Variants in APBB2 observed in about 807,000 individuals in gnomAD.
The protein encoded by APBB2 is Fe65-like 1.
A neutral mutation model predicts 82.5 loss-of-function variants in APBB2; 38 were observed. That is an observed-to-expected ratio of 0.46 (90% CI 0.36 to 0.60). APBB2 has a LOEUF of 0.60. APBB2 is among the 20% of genes least tolerant of loss of function. The pLI is 0.00. For missense variants in APBB2, 772 were observed against 972.3 expected (o/e 0.79, Z 2.74); for synonymous variants, 341 against 368.2 (o/e 0.93, Z 0.85).
At chr4:40,900,454 G>GT (rs71648936) in intron 10 of APBB2, among the ~76,000 whole-genome samples, 87,911 of 132,694 alleles carry the variant, frequency 0.66, 29,269 homozygotes, top group Non-Finnish European at 0.7. Context: ...ACGGAAGGAG[G>GT]TTTTTTTTTT....
chr4:40,887,446 C>T (rs1471788922), intron 12 of APBB2, among the ~76,000 whole-genome samples: 1 of 152,112 alleles, frequency 6.6e-6, no homozygotes, highest in East Asian at 1.9e-4. Flanking sequence ...GTGAAATGGG[C>T]TTCTTTTTCG....
At chr4:41,101,782 AC>A (rs1175932901) in intron 2 of APBB2, among the ~76,000 whole-genome samples, 1 of 151,944 alleles carries the variant, frequency 6.6e-6, no homozygotes, top group East Asian at 1.9e-4. Flanking sequence ...ACATAGTGAA[AC>A]CCCATCTCTA....
In APBB2 at chr4:40,835,404, C is replaced by T. The variant is rs530837574; in HGVS notation, c.1530-4827G>A. Among the ~76,000 whole-genome samples, 7 of 152,230 alleles carry T rather than the reference C, an allele frequency of 4.6e-5. No homozygotes were observed. The South Asian group carries it at 1.0e-3, about 23-fold the overall frequency. ...TTGCAAGCCCGTCTAATGTTACAGACGGGCAATGAGGTTTGAGCTGCTTCT... is the reference window on the plus strand; with the variant it reads ...TTGCAAGCCCGTCTAATGTTACAGATGGGCAATGAGGTTTGAGCTGCTTCT... On this transcript the variant is annotated intron_variant, in intron 12 of 17. Coordinates refer to ENST00000508593, the MANE Select transcript of APBB2 (RefSeq NM_004307.2).
chr4:40,982,452 A>T (rs954068432), intron 6 of APBB2, among the ~76,000 whole-genome samples: 13 of 87,838 alleles, frequency 1.5e-4, no homozygotes, highest in East Asian at 7.6e-4. Context: ...AAAGAAAGAA[A>T]GAATGAATGA....
At chr4:40,890,621 T>A in intron 11 of APBB2, 130 bp from the exon 12 acceptor site, 1 of 1,241,838 alleles carries the variant, frequency 8.1e-7, no homozygotes, top group Non-Finnish European at 1.1e-6. Flanking sequence ...TTTGTCTGCC[T>A]AAGAAACTTC....
intron 7 of APBB2, among the ~76,000 whole-genome samples, chr4:40,935,825 A>C (rs1212883491): frequency 6.6e-6 from 1 of 152,164 alleles, no homozygotes; most frequent in Non-Finnish European, 1.5e-5. Flanking sequence ...TGATTTTCTA[A>C]ACGTAATTAT....
At chr4:40,982,282 G>GAA (rs1798882801) in intron 6 of APBB2, among the ~76,000 whole-genome samples, 1 of 26,966 alleles carries the variant, frequency 3.7e-5, no homozygotes, top group African/African-American at 2.2e-4. Flanking sequence ...AAGAAAGAAA[G>GAA]AAGGAAGGAA....
chr4:41,053,081 A>G (rs1176187351), intron 4 of APBB2, among the ~76,000 whole-genome samples: 2 of 152,164 alleles, frequency 1.3e-5, no homozygotes, highest in African/African-American at 4.8e-5. Context: ...ATTTTTCATT[A>G]AAGAAGAGGA....
chr4:41,121,603 C>T (rs933502367), intron 2 of APBB2, among the ~76,000 whole-genome samples: 2 of 152,212 alleles, frequency 1.3e-5, no homozygotes, highest in African/African-American at 2.4e-5. Flanking sequence ...ACTCTGCCAC[C>T]GTGTTGTGTG....
chr4:41,129,609 CTTTG>C (rs1413006601), intron 2 of APBB2, among the ~76,000 whole-genome samples: 15 of 152,112 alleles, frequency 9.9e-5, no homozygotes, highest in Admixed American at 5.9e-4. Flanking sequence ...TGTGTCTTTG[CTTTG>C]TTTGTTTTTA....
chr4:41,154,933 C>A (rs191362736), intron 1 of APBB2, among the ~76,000 whole-genome samples: 1 of 152,166 alleles, frequency 6.6e-6, no homozygotes, highest in African/African-American at 2.4e-5. Flanking sequence ...GCTGGACAGA[C>A]GGGGCACCCT....
intron 3 of APBB2, among the ~76,000 whole-genome samples, chr4:41,078,348 T>C (rs994810485): frequency 2.0e-5 from 3 of 152,214 alleles, no homozygotes; most frequent in Non-Finnish European, 4.4e-5. Context: ...GGCAAGAATT[T>C]GTAAGCTATA....
chr4:40,820,752 G>A (rs892323477), intron 17 of APBB2, among the ~76,000 whole-genome samples: 22 of 152,054 alleles, frequency 1.4e-4, no homozygotes, highest in African/African-American at 5.3e-4. Context: ...GCCCCCACAC[G>A]CCATCATCAT....
At chr4:40,897,963 C>A (rs1455263017) in intron 10 of APBB2, among the ~76,000 whole-genome samples, 1 of 152,122 alleles carries the variant, frequency 6.6e-6, no homozygotes, top group Non-Finnish European at 1.5e-5. Context: ...TCAACATATA[C>A]ACTTTGACTT....
chr4:40,989,226 G>A (rs1801322480), intron 6 of APBB2, among the ~76,000 whole-genome samples: 2 of 152,068 alleles, frequency 1.3e-5, no homozygotes, highest in Admixed American at 1.3e-4. Flanking sequence ...ATACTTTTCA[G>A]TGGCTTGGTG....
chr4:41,181,614 T>C (rs1422560737), intron 1 of APBB2, among the ~76,000 whole-genome samples: 2 of 152,178 alleles, frequency 1.3e-5, no homozygotes, highest in Non-Finnish European at 2.9e-5. Context: ...ATTAATATAC[T>C]ATCCTGTTAG....
At chr4:40,865,918 C>A (rs1354650154) in intron 12 of APBB2, among the ~76,000 whole-genome samples, 1 of 152,202 alleles carries the variant, frequency 6.6e-6, no homozygotes, top group South Asian at 2.1e-4. Flanking sequence ...ATAACCACCA[C>A]CACCCTCAAA....
chr4:41,033,577 T>C (rs1298815246), intron 4 of APBB2, among the ~76,000 whole-genome samples: 7 of 109,770 alleles, frequency 6.4e-5, no homozygotes, highest in Admixed American at 5.3e-4. Flanking sequence ...TCCAATGCTT[T>C]TTCTCATCAC....
intron 1 of APBB2, among the ~76,000 whole-genome samples, chr4:41,186,086 T>G (rs1272273480): frequency 6.6e-6 from 1 of 152,180 alleles, no homozygotes; most frequent in East Asian, 1.9e-4. Context: ...CCGAAATATT[T>G]TATAACCATA....
Sources: gnomAD v4.1 joint callset for allele counts (sites outside exome capture counted in the v4.1 genomes callset) on GRCh38, gnomAD v4.1.1 for gene constraint, MANE v1.5 for transcripts, NCBI Gene and HGNC (gene_info 2026-07-23, HGNC 2026-07-21) for gene names.